The following SLC49A4 variants were observed in gnomAD, a reference collection of about 807,000 sequenced individuals.
SLC49A4 encodes disrupted in renal cancer protein 2.
A neutral mutation model predicts 50.6 loss-of-function variants in SLC49A4; 36 were observed. The ratio of observed to expected loss-of-function variants is 0.71; its 90% CI spans 0.55 to 0.94. The LOEUF (loss-of-function observed/expected upper bound fraction) is 0.94. Among genes scored for constraint, SLC49A4 ranks in the 40% least tolerant of loss-of-function variants. The pLI is 0.00. For synonymous variants in SLC49A4, 248 were observed against 241.2 expected (o/e 1.03, Z -0.26); for missense variants, 503 against 605.7 (o/e 0.83, Z 1.78).
intron 3 of SLC49A4, among the ~76,000 whole-genome samples, chr3:122,830,970 T>C (rs1405099754): frequency 6.6e-6 from 1 of 152,060 alleles, no homozygotes; most frequent in Non-Finnish European, 1.5e-5. Context: ...GGTAAAGGAC[T>C]CAAACACATT....
At chr3:122,850,783 G>C (rs962821602) in intron 5 of SLC49A4, among the ~76,000 whole-genome samples, 2 of 152,088 alleles carry the variant, frequency 1.3e-5, no homozygotes, top group Non-Finnish European at 2.9e-5. Context: ...GGGCCATGTC[G>C]GGCCATCTTT....
At chr3:122,872,372 C>T (rs1937206903) in intron 7 of SLC49A4, 43 bp from the exon 8 acceptor site, 1 of 1,517,418 alleles carries the variant, frequency 6.6e-7, no homozygotes, top group Non-Finnish European at 9.1e-7. Flanking sequence ...ATATGACTCA[C>T]TGCCGCTAGT....
intron 4 of SLC49A4, among the ~76,000 whole-genome samples, chr3:122,840,016 G>T (rs1203373550): frequency 6.6e-6 from 1 of 152,036 alleles, no homozygotes; most frequent in Non-Finnish European, 1.5e-5. Flanking sequence ...CCAATGAGTA[G>T]GAAAATGAGT....
chr3:122,813,474 C>A (rs1459761693), intron 2 of SLC49A4, among the ~76,000 whole-genome samples: 2 of 152,062 alleles, frequency 1.3e-5, no homozygotes, highest in Non-Finnish European at 2.9e-5. Flanking sequence ...GTCACTCAGC[C>A]CAGACTCCAG....
intron 2 of SLC49A4, among the ~76,000 whole-genome samples, chr3:122,826,307 C>T (rs141277051): frequency 2.4e-4 from 37 of 152,136 alleles, no homozygotes; most frequent in African/African-American, 8.9e-4. Flanking sequence ...AGGCTGGTGG[C>T]ACTTAGTAGG....
chr3:122,849,840 T>C lies in SLC49A4; in HGVS notation c.942+3969T>C, dbSNP rs141471422. Reference sequence around the variant, plus strand: ...AGCCATTTAGCTTTATGTAATCCCATTTGTCTGATTTTGCTTTTGTTGCCT... The same window carrying C: ...AGCCATTTAGCTTTATGTAATCCCACTTGTCTGATTTTGCTTTTGTTGCCT... On this transcript the variant is annotated intron_variant, in intron 5 of 8. Coordinates refer to ENST00000261038, the MANE Select transcript of SLC49A4 (RefSeq NM_032839.3). Among the ~76,000 whole-genome samples the C allele has an allele frequency of 2.1e-3, 324 of 152,284 alleles. 2 individuals carry two copies. Among genetic ancestry groups the C allele is most frequent in the African/African-American group, 7.1e-3 (295 of 41,568 alleles).
intron 2 of SLC49A4, among the ~76,000 whole-genome samples, chr3:122,817,543 TGAGA>T (rs61637673): frequency 7.3e-5 from 11 of 151,184 alleles, no homozygotes; most frequent in African/African-American, 2.7e-4. Context: ...CATGTGTGTG[TGAGA>T]GAGAGAGAGA....
rs1448238456 is a variant in SLC49A4 at position 122,871,393 on chromosome 3, A to G, written c.1139-1022A>G. 2.0e-5 allele frequency among the ~76,000 whole-genome samples: 3 copies of G among 151,868 alleles called. No individual in the cohort carries two copies. The East Asian group carries it at 5.8e-4, about 29-fold the overall frequency. On this transcript the variant is annotated intron_variant, in intron 7 of 8. Transcript: ENST00000261038. ...TTAATGATTGCATCAGTTATGGTAA[A>G]CTCTGATAATCTGATATGTTCTGTG...
intron 2 of SLC49A4, among the ~76,000 whole-genome samples, chr3:122,814,936 G>A (rs1405019508): frequency 1.3e-5 from 2 of 152,126 alleles, no homozygotes; most frequent in Admixed American, 1.3e-4. Flanking sequence ...GGGCTATTCA[G>A]GGGAAGTAGG....
chr3:122,847,587 C>T (rs1017670267), intron 5 of SLC49A4, among the ~76,000 whole-genome samples: 2 of 151,834 alleles, frequency 1.3e-5, no homozygotes, highest in Non-Finnish European at 1.5e-5. Context: ...CCTCGTGATC[C>T]GCCCACCTAA....
chr3:122,822,569 G>A (rs1453228216), intron 2 of SLC49A4, among the ~76,000 whole-genome samples: 1 of 152,092 alleles, frequency 6.6e-6, no homozygotes, highest in African/African-American at 2.4e-5. Flanking sequence ...TGCTGAATCT[G>A]GTGGTTACAT....
chr3:122,826,736 T>A, intron 2 of SLC49A4, 64 bp from the exon 3 acceptor site: 1 of 1,554,874 alleles, frequency 6.4e-7, no homozygotes, highest in Non-Finnish European at 8.8e-7. Context: ...TTTGGCTCAT[T>A]TCTTTTTGTC....
chr3:122,804,395 G>C (rs138512954), intron 1 of SLC49A4, among the ~76,000 whole-genome samples: 96 of 152,306 alleles, frequency 6.3e-4, no homozygotes, highest in African/African-American at 2.3e-3. Context: ...ACATTTCAAC[G>C]TGAGACCTGA....
chr3:122,877,498 A>G (rs1937280766), intron 8 of SLC49A4, among the ~76,000 whole-genome samples: 1 of 152,210 alleles, frequency 6.6e-6, no homozygotes, highest in Non-Finnish European at 1.5e-5. Flanking sequence ...TGTTTTGACA[A>G]TATTTGAAAT....
intron 7 of SLC49A4, among the ~76,000 whole-genome samples, chr3:122,867,888 G>A (rs2107582410): frequency 6.6e-6 from 1 of 151,990 alleles, no homozygotes; most frequent in East Asian, 1.9e-4. Context: ...GGCCAAGACA[G>A]GCGGATCACG....
intron 3 of SLC49A4, 147 bp downstream of exon 3, chr3:122,827,212 A>G: frequency 3.4e-6 from 3 of 888,290 alleles, no homozygotes; most frequent in South Asian, 1.8e-5. Context: ...TCCTTGTCAT[A>G]TGATATAGAG....
chr3:122,879,261 A>G lies in SLC49A4; in HGVS notation c.1322-2A>G. On this transcript the variant is annotated splice_acceptor_variant, in intron 8 of 8. Coordinates refer to ENST00000261038, the MANE Select transcript of SLC49A4 (RefSeq NM_032839.3). LOFTEE classifies it high-confidence loss of function. Reference sequence around the variant, plus strand: ...AAAACTGCATGTTTTTTTGTCTTACAGAGTTGTCTTGGTTCAACTGGTGCC... The same window carrying G: ...AAAACTGCATGTTTTTTTGTCTTACGGAGTTGTCTTGGTTCAACTGGTGCC... 1.2e-6 allele frequency: 2 copies of G among 1,611,170 alleles called. No homozygotes were observed. The highest frequency in any genetic ancestry group is 1.7e-4 in the Middle Eastern group (1 of 6,054).
At chr3:122,809,526 GC>G (rs1184905242) in intron 2 of SLC49A4, among the ~76,000 whole-genome samples, 2 of 151,996 alleles carry the variant, frequency 1.3e-5, no homozygotes, top group African/African-American at 4.8e-5. Flanking sequence ...TTTGAGACCA[GC>G]CTGGGCAACA....
intron 4 of SLC49A4, among the ~76,000 whole-genome samples, chr3:122,835,694 C>G (rs958546027): frequency 6.6e-6 from 1 of 152,002 alleles, no homozygotes; most frequent in African/African-American, 2.4e-5. Context: ...AGAACTGGAA[C>G]AAGACAAGGA....
Sources: gnomAD v4.1 joint callset for allele counts (sites outside exome capture counted in the v4.1 genomes callset) on GRCh38, gnomAD v4.1.1 for gene constraint, MANE v1.5 for transcripts, NCBI Gene and HGNC (gene_info 2026-07-23, HGNC 2026-07-21) for gene names.